The following RGS17 variants were observed in gnomAD, a reference collection of about 807,000 sequenced individuals.
The protein encoded by RGS17 is regulator of G-protein signaling 17.
A neutral mutation model predicts 25.5 loss-of-function variants in RGS17; 12 were observed. The observed-to-expected ratio is 0.47, with a 90% CI of 0.30 to 0.76. The LOEUF is 0.76. Ranked by LOEUF, RGS17 falls within the 30% of genes least tolerant of loss-of-function variation. The pLI, the probability that RGS17 is intolerant of heterozygous loss-of-function variation, is 0.07. For missense variants in RGS17, 196 were observed against 242.2 expected, an observed-to-expected ratio of 0.81 and a Z score of 1.27; for synonymous variants, 71 against 76.9, an observed-to-expected ratio of 0.92 and a Z score of 0.40.
chr6:153,102,072 T>C (rs987296769), intron 1 of RGS17, among the ~76,000 whole-genome samples: 1 of 152,232 alleles, frequency 6.6e-6, no homozygotes, highest in Non-Finnish European at 1.5e-5. Context: ...ACGATCTGCC[T>C]TTGTACTTGA....
At position 153,006,622 on chromosome 6, in the gene RGS17, G is replaced by GA. The variant is rs199820337; in HGVS notation, c.*4951dup. On this transcript the variant is annotated 3_prime_UTR_variant, in exon 5 of 5. Coordinates refer to ENST00000206262, the MANE Select transcript of RGS17 (RefSeq NM_012419.5). Reference sequence around the variant, plus strand: ...AATCAGATGTTTAACGTATGTTTTGGAAAAAAATAGGGGAAAGTGCATTAA... The same window carrying GA: ...AATCAGATGTTTAACGTATGTTTTGGAAAAAAAATAGGGGAAAGTGCATTAA... 1 of 152,252 alleles carries GA rather than the reference G, an allele frequency of 6.6e-6. No individual in the cohort carries two copies. The highest frequency in any genetic ancestry group is 1.9e-4 in the East Asian group (1 of 5,180). 9.4% of individuals were successfully genotyped at this position (152,252 alleles called of 1,614,324 possible).
intron 1 of RGS17, among the ~76,000 whole-genome samples, chr6:153,120,132 C>T (rs561277587): frequency 7.2e-5 from 11 of 152,206 alleles, no homozygotes; most frequent in African/African-American, 1.4e-4. Flanking sequence ...TAGAACGTAA[C>T]GATTGCCAAC....
At chr6:153,127,904 A>G (rs1178570850) in intron 1 of RGS17, among the ~76,000 whole-genome samples, 1 of 152,174 alleles carries the variant, frequency 6.6e-6, no homozygotes, top group East Asian at 1.9e-4. Context: ...AAATTTATTA[A>G]TTTAGGAAAA....
chr6:153,020,111 A>ATATATATATATATATATATAT (rs1554235102), intron 4 of RGS17, among the ~76,000 whole-genome samples: 1 of 58,456 alleles, frequency 1.7e-5, no homozygotes, highest in Admixed American at 2.8e-4. Context: ...AAAAAAAAAA[A>ATATATATATATATATATATAT]ATATATATAT....
At chr6:153,095,599 T>C (rs1224194631) in intron 1 of RGS17, among the ~76,000 whole-genome samples, 1 of 152,068 alleles carries the variant, frequency 6.6e-6, no homozygotes, top group Admixed American at 6.6e-5. Flanking sequence ...AACTACTTCA[T>C]GGGATTCTCT....
intron 1 of RGS17, among the ~76,000 whole-genome samples, chr6:153,070,766 TAC>T (rs1293516417): frequency 1.3e-5 from 2 of 151,384 alleles, no homozygotes; most frequent in African/African-American, 2.4e-5. Context: ...TGTATGTATA[TAC>T]ATATACACAT....
At chr6:153,032,041 A>T (rs1460893775) in intron 2 of RGS17, among the ~76,000 whole-genome samples, 1 of 152,202 alleles carries the variant, frequency 6.6e-6, no homozygotes, top group Non-Finnish European at 1.5e-5. Flanking sequence ...TAACTTCAGG[A>T]CAGGGCAACA....
At chr6:153,088,585 G>C (rs576536875) in intron 1 of RGS17, among the ~76,000 whole-genome samples, 7 of 152,032 alleles carry the variant, frequency 4.6e-5, no homozygotes, top group Admixed American at 3.3e-4. Flanking sequence ...ATAAACTGAG[G>C]AAATCATTAT....
chr6:153,129,484 A>C (rs1030527843), intron 1 of RGS17, among the ~76,000 whole-genome samples: 1 of 152,236 alleles, frequency 6.6e-6, no homozygotes, highest in Non-Finnish European at 1.5e-5. Flanking sequence ...AGCGTCTGGC[A>C]GTTGTGAATC....
In RGS17 at chr6:153,020,114, ATAT is replaced by A. The variant is rs1584119718; in HGVS notation, c.444+4145_444+4147del. On this transcript the variant is annotated intron_variant, in intron 4 of 4. Transcript: ENST00000206262. ...TGCAAATATCTTAAAAAAAAAAAAT[ATAT>A]ATATATATATATATATATATATTTT... 1.1e-4 allele frequency among the ~76,000 whole-genome samples: 6 copies of A among 52,308 alleles called. No homozygotes were observed. The South Asian group carries it at 2.0e-3, about 17-fold the overall frequency. The allele number at this position is 52,308 out of a possible 152,430, so 34.3% of individuals were successfully genotyped here. A position where few individuals can be genotyped will look rare whatever the true frequency, so the allele number is the denominator to read the frequency against.
intron 1 of RGS17, among the ~76,000 whole-genome samples, chr6:153,059,928 G>A (rs1776612345): frequency 1.3e-5 from 2 of 152,162 alleles, no homozygotes; most frequent in Non-Finnish European, 1.5e-5. Context: ...TCCACCATCT[G>A]GGAGGTTGTT....
chr6:153,038,737 A>G (rs1435922673), intron 2 of RGS17, among the ~76,000 whole-genome samples: 1 of 152,156 alleles, frequency 6.6e-6, no homozygotes, highest in Non-Finnish European at 1.5e-5. Context: ...ATATCCTTTG[A>G]CTTTTAAAGC....
At chr6:153,075,022 G>C (rs550146303) in intron 1 of RGS17, among the ~76,000 whole-genome samples, 2 of 152,244 alleles carry the variant, frequency 1.3e-5, no homozygotes, top group South Asian at 4.2e-4. Context: ...GCAAGATTGG[G>C]CTGATTATTT....
At chr6:153,083,838 T>C (rs1777016132) in intron 1 of RGS17, among the ~76,000 whole-genome samples, 1 of 152,200 alleles carries the variant, frequency 6.6e-6, no homozygotes, top group African/African-American at 2.4e-5. Flanking sequence ...ACAATGTCAG[T>C]TTTGCCACAT....
In RGS17 at chr6:153,026,554, A is replaced by G. The variant is rs755922370; in HGVS notation, c.120-11T>C. On this transcript the variant is annotated splice_polypyrimidine_tract_variant and intron_variant, in intron 2 of 4. Coordinates refer to ENST00000206262, the MANE Select transcript of RGS17 (RefSeq NM_012419.5). The stretch of plus-strand genomic sequence containing the variant: ...TTCCTCACAGTGAGGCTGTAATGTA[A>G]CAGAACATTTAATTTTGTCAAGGGA... 1 of 1,599,374 alleles carries G rather than the reference A, an allele frequency of 6.3e-7. No individual in the cohort carries two copies. Among genetic ancestry groups the G allele is most frequent in the Non-Finnish European group, 8.6e-7 (1 of 1,168,182 alleles).
At chr6:153,030,893 T>C (rs779522956) in intron 2 of RGS17, among the ~76,000 whole-genome samples, 3 of 152,196 alleles carry the variant, frequency 2.0e-5, no homozygotes, top group African/African-American at 7.2e-5. Context: ...ACTGTGCATA[T>C]GGGGTTTCTT....
At chr6:153,071,300 A>T (rs1776800530) in intron 1 of RGS17, among the ~76,000 whole-genome samples, 1 of 151,838 alleles carries the variant, frequency 6.6e-6, no homozygotes, top group Non-Finnish European at 1.5e-5. Flanking sequence ...ACATACACAT[A>T]AACTATAAGG....
intron 1 of RGS17, among the ~76,000 whole-genome samples, chr6:153,058,109 CTGAA>C (rs1329063920): frequency 2.0e-5 from 3 of 152,150 alleles, no homozygotes; most frequent in Non-Finnish European, 2.9e-5. Context: ...GCTATAAGGG[CTGAA>C]TGAATTTGAC....
chr6:153,066,152 C>T (rs774539283), intron 1 of RGS17, among the ~76,000 whole-genome samples: 4 of 152,064 alleles, frequency 2.6e-5, no homozygotes, highest in Non-Finnish European at 5.9e-5. Context: ...TATGAGTAAC[C>T]GTGTACTGAT....
Sources: allele counts gnomAD v4.1 joint callset (sites outside exome capture counted in the v4.1 genomes callset), GRCh38; gene constraint gnomAD v4.1.1; transcripts MANE v1.5; gene names NCBI Gene and HGNC (gene_info 2026-07-23, HGNC 2026-07-21).